The following CHRNA9 variants were observed in gnomAD, a reference collection of about 807,000 sequenced individuals.
CHRNA9 encodes the protein cholinergic receptor nicotinic alpha 9 subunit.
In CHRNA9, 24 loss-of-function variants were observed where a neutral mutation model predicts 36.8. That is an observed-to-expected ratio of 0.65 (90% confidence interval 0.47 to 0.92). The LOEUF is 0.92. CHRNA9 is among the 40% of genes least tolerant of loss of function. CHRNA9 has a pLI of 0.00. For missense variants in CHRNA9, 610 were observed against 601.2 expected, an observed-to-expected ratio of 1.01 and a Z score of -0.15; for synonymous variants, 231 against 231.8, an observed-to-expected ratio of 1.00 and a Z score of 0.03.
chr4:40,349,115 A>G lies in CHRNA9; in HGVS notation c.599A>G (p.Asp200Gly), dbSNP rs1327576747. The change falls in exon 4 of 5, where the codon GAT (aspartate) becomes GGT (glycine). Residue 200 changes from aspartate (D) to glycine (G), a missense_variant. By Grantham distance (94) the Asp-to-Gly change is moderately conservative. Coordinates refer to ENST00000310169, the MANE Select transcript of CHRNA9 (RefSeq NM_017581.4). ...DSGDLSDFIE[D>G]VEWEVHGMPA... ...GGAGATCTCTCTGACTTCATTGAAGATGTGGAATGGGAGGTCCATGGCATG... is the reference window on the plus strand; with the variant it reads ...GGAGATCTCTCTGACTTCATTGAAGGTGTGGAATGGGAGGTCCATGGCATG... The G allele has an allele frequency of 1.2e-6, 2 of 1,614,024 alleles. No homozygotes were observed. Among genetic ancestry groups the G allele is most frequent in the African/African-American group, 1.3e-5 (1 of 74,904 alleles).
intron 3 of CHRNA9, among the ~76,000 whole-genome samples, chr4:40,339,257 C>G (rs749091857): frequency 9.2e-6 from 1 of 109,166 alleles, no homozygotes. Context: ...CCAGCCTGGG[C>G]GACAAGAGCG....
At chr4:40,343,281 G>GGTATTTATGGGTATTT (rs1344968741) in intron 3 of CHRNA9, among the ~76,000 whole-genome samples, 1 of 152,216 alleles carries the variant, frequency 6.6e-6, no homozygotes, top group Non-Finnish European at 1.5e-5. Context: ...ACATACCCAA[G>GGTATTTATGGGTATTT]ACTGGGTAAT....
chr4:40,341,396 T>G (rs1577545542), intron 3 of CHRNA9, among the ~76,000 whole-genome samples: 1 of 152,106 alleles, frequency 6.6e-6, no homozygotes, highest in East Asian at 1.9e-4. Context: ...GTTGAGAGAG[T>G]ATTCTCCTCA....
Position 40,348,804 on chromosome 4 carries a change from G to A in CHRNA9, c.366-78G>A, listed in dbSNP as rs74712778. Reference sequence around the variant, plus strand: ...ATTGCCAAAACACTGAAGTGATGGGGACAGTGAGCTGTCTGGGGTAAGGAA... The same window carrying A: ...ATTGCCAAAACACTGAAGTGATGGGAACAGTGAGCTGTCTGGGGTAAGGAA... On this transcript the variant is annotated intron_variant, in intron 3 of 4. Coordinates refer to ENST00000310169, the MANE Select transcript of CHRNA9 (RefSeq NM_017581.4). 1.4e-3 allele frequency: 1,997 copies of A among 1,406,858 alleles called. 20 individuals carry two copies. In the African/African-American group the frequency reaches 0.025, roughly 18 times the overall value. 87.1% of individuals were successfully genotyped at this position (1,406,858 alleles called of 1,614,324 possible). A position where few individuals can be genotyped will look rare whatever the true frequency, so the allele number is the denominator to read the frequency against.
At chr4:40,342,977 G>A (rs1712543524) in intron 3 of CHRNA9, among the ~76,000 whole-genome samples, 1 of 152,102 alleles carries the variant, frequency 6.6e-6, no homozygotes, top group African/African-American at 2.4e-5. Flanking sequence ...AAGTGAATAT[G>A]TGAAAGAGAC....
In CHRNA9 at chr4:40,344,791, T is replaced by A. The variant is rs998674599; in HGVS notation, c.366-4091T>A. Among the ~76,000 whole-genome samples the A allele has an allele frequency of 3.9e-5, 6 of 152,066 alleles. 1 individual carries two copies. Among genetic ancestry groups the A allele is most frequent in the Admixed American group, 6.6e-5 (1 of 15,260 alleles). Reference sequence around the variant, plus strand: ...CCCAGTCTCTGACCTCAAGGAACAATCTAATAAGCTATATATGTAAAAACT... The same window carrying A: ...CCCAGTCTCTGACCTCAAGGAACAAACTAATAAGCTATATATGTAAAAACT... On this transcript the variant is annotated intron_variant, in intron 3 of 4. Coordinates refer to ENST00000310169, the MANE Select transcript of CHRNA9 (RefSeq NM_017581.4).
intron 4 of CHRNA9, 87 bp from the exon 5 acceptor site, chr4:40,353,892 A>G: frequency 8.3e-7 from 1 of 1,203,922 alleles, no homozygotes; most frequent in Non-Finnish European, 1.2e-6. Flanking sequence ...TACCTTTCTC[A>G]GAATGTATCC....
intron 4 of CHRNA9, among the ~76,000 whole-genome samples, chr4:40,350,570 A>G (rs1016391402): frequency 1.3e-5 from 2 of 152,106 alleles, no homozygotes; most frequent in Non-Finnish European, 1.5e-5. Flanking sequence ...TTAGAGTCCA[A>G]TATCAGGAGA....
At chr4:40,352,300 C>T (rs1712823309) in intron 4 of CHRNA9, among the ~76,000 whole-genome samples, 10 of 152,220 alleles carry the variant, frequency 6.6e-5, no homozygotes, top group Admixed American at 6.5e-4. Context: ...CAGCTCACTG[C>T]AACCTCCGAC....
chr4:40,354,669 T>A lies in CHRNA9; in HGVS notation c.*149T>A, dbSNP rs1712909987. ...TTTAGCTTCAAATGAATGTCGAAGC[T>A]ATCTGCTCTGTTAAATTAAGCAGAA... On this transcript the variant is annotated 3_prime_UTR_variant, in exon 5 of 5. Coordinates refer to ENST00000310169, the MANE Select transcript of CHRNA9 (RefSeq NM_017581.4). 4 of 702,708 alleles carry A rather than the reference T, an allele frequency of 5.7e-6. No homozygotes were observed. The highest frequency in any genetic ancestry group is 9.5e-6 in the Non-Finnish European group (4 of 421,262). The allele number at this position is 702,708 out of a possible 1,614,324, so 43.5% of individuals were successfully genotyped here. A position where few individuals can be genotyped will look rare whatever the true frequency, so the allele number is the denominator to read the frequency against.
intron 4 of CHRNA9, 103 bp from the exon 5 acceptor site, chr4:40,353,876 G>A: frequency 9.3e-7 from 1 of 1,078,938 alleles, no homozygotes; most frequent in Non-Finnish European, 1.3e-6. Flanking sequence ...ATCACCTAAT[G>A]ACTAATACCT....
rs757817430 is a variant in CHRNA9, at chr4:40,348,966, C to T, written c.450C>T (p.Ile150=). ...DGLITWDAPA[I]TKSSCVVDVT... is the part of the protein sequence containing the mutation. ...TGATCACCTGGGATGCACCGGCCAT[C>T]ACCAAAAGCTCCTGTGTGGTGGATG... Residue 150 remains isoleucine (I), a synonymous_variant, in exon 4 of 5, where the codon ATC becomes ATT. Transcript: ENST00000310169. 1.9e-6 allele frequency: 3 copies of T among 1,614,212 alleles called. No homozygotes were observed. Among genetic ancestry groups the T allele is most frequent in the South Asian group, 2.2e-5 (2 of 91,082 alleles).
At chr4:40,341,278 T>TTTG (rs1560316031) in intron 3 of CHRNA9, among the ~76,000 whole-genome samples, 3 of 151,892 alleles carry the variant, frequency 2.0e-5, no homozygotes, top group African/African-American at 4.8e-5. Flanking sequence ...GGTCAGGTTT[T>TTTG]TTTTTTTGTT....
chr4:40,344,613 G>T (rs1211418164), intron 3 of CHRNA9, among the ~76,000 whole-genome samples: 1 of 151,906 alleles, frequency 6.6e-6, no homozygotes, highest in African/African-American at 2.4e-5. Flanking sequence ...TATATAGTTT[G>T]TTTAATATAA....
chr4:40,340,409 A>C (rs1712464170), intron 3 of CHRNA9, among the ~76,000 whole-genome samples: 1 of 152,154 alleles, frequency 6.6e-6, no homozygotes, highest in Non-Finnish European at 1.5e-5. Context: ...AAATGGAGCT[A>C]TGGTTGGATG....
chr4:40,352,372 C>A (rs1177233436), intron 4 of CHRNA9, among the ~76,000 whole-genome samples: 4 of 152,102 alleles, frequency 2.6e-5, no homozygotes, highest in African/African-American at 9.7e-5. Flanking sequence ...CAGGCACGTG[C>A]CAATACACCC....
chr4:40,354,489 T>C lies in CHRNA9; in HGVS notation c.1409T>C (p.Met470Thr), dbSNP rs1712903512. Residue 470 changes from methionine to threonine, a missense_variant, in exon 5 of 5, where the codon ATG (methionine) becomes ACG (threonine). Met to Thr is a moderately conservative substitution (Grantham distance 81). Coordinates refer to ENST00000310169, the MANE Select transcript of CHRNA9 (RefSeq NM_017581.4). Reference protein sequence around the residue: ...MWIFFIMVFVMTILIIARAD With the variant: ...MWIFFIMVFVTTILIIARAD ...ATTTTTTTCATTATGGTGTTTGTGA[T>C]GACTATTTTGATCATAGCAAGAGCG... The C allele has an allele frequency of 1.9e-6, 3 of 1,613,410 alleles. No homozygotes were observed. The highest frequency in any genetic ancestry group is 2.5e-6 in the Non-Finnish European group (3 of 1,179,538).
At position 40,349,043 on chromosome 4, in the gene CHRNA9, G is replaced by A; in HGVS notation, c.527G>A (p.Trp176Ter). The A allele has an allele frequency of 6.2e-7, 1 of 1,614,140 alleles. No individual in the cohort carries two copies. The highest frequency in any genetic ancestry group is 8.5e-7 in the Non-Finnish European group (1 of 1,180,022). Reference protein sequence around the residue: ...NQQCNLTFGSWTYNGNQVDIF... With the variant: ...NQQCNLTFGS Reference sequence around the variant, plus strand: ...CAGTGCAACCTGACTTTTGGTTCCTGGACCTACAATGGCAATCAGGTGGAC... The same window carrying A: ...CAGTGCAACCTGACTTTTGGTTCCTAGACCTACAATGGCAATCAGGTGGAC... Residue 176 changes from tryptophan (W) to a stop codon, truncating the protein, a stop_gained, in exon 4 of 5, where the codon TGG becomes TAG. Coordinates refer to ENST00000310169, the MANE Select transcript of CHRNA9 (RefSeq NM_017581.4). LOFTEE classifies it high-confidence loss of function.
chr4:40,350,372 C>T (rs778029914), intron 4 of CHRNA9, among the ~76,000 whole-genome samples: 24 of 152,130 alleles, frequency 1.6e-4, no homozygotes, highest in Non-Finnish European at 2.9e-4. Context: ...CTATCCTTGC[C>T]TAGCTTGTTC....
Sources: allele counts gnomAD v4.1 joint callset (sites outside exome capture counted in the v4.1 genomes callset), GRCh38; gene constraint gnomAD v4.1.1; transcripts MANE v1.5; gene names NCBI Gene and HGNC (gene_info 2026-07-23, HGNC 2026-07-21).